The following S100A2 variants were observed in gnomAD, a reference collection of about 807,000 sequenced individuals.
The protein encoded by S100A2 is protein S100-A2.
Under a neutral mutation model 4.3 loss-of-function variants are expected in S100A2, and 5 were observed. The observed-to-expected ratio is 1.16, with a 90% CI of 0.61 to 2.44. The LOEUF is 2.44. S100A2 is among the 30% of genes most tolerant of loss of function. The probability of loss-of-function intolerance (pLI) is 0.01; values close to 1 mark genes in which losing one functional copy is unlikely to be tolerated. For synonymous variants in S100A2, 44 were observed against 46.0 expected (o/e 0.96, Z 0.17); for missense variants, 103 against 114.7 (o/e 0.90, Z 0.47).
chr1:153,564,116 A>C, intron 1 of S100A2: 1 of 465,578 alleles, frequency 2.1e-6, no homozygotes, highest in Non-Finnish European at 3.8e-6. Flanking sequence ...TCTGGGAGTC[A>C]CCAAGCCTCC....
intron 1 of S100A2, 30 bp from the exon 2 acceptor site, chr1:153,563,917 G>A (rs1338292641): frequency 6.2e-7 from 1 of 1,602,294 alleles, no homozygotes; most frequent in South Asian, 1.1e-5. Context: ...TGGGTACACT[G>A]CTGAGGCTCT....
intron 2 of S100A2, among the ~76,000 whole-genome samples, chr1:153,562,969 CAAAAA>C (rs35473116): frequency 1.1e-5 from 1 of 94,560 alleles, no homozygotes; most frequent in Admixed American, 1.2e-4. Context: ...CCCCCCACCA[CAAAAA>C]AAAAAAAAAA....
chr1:153,563,723 G>C lies in S100A2; in HGVS notation c.144+11C>G. ...ACACCAGGACCTCCCCCACAGGCCT[G>C]TGCCACTCACCCCCACAAAGCTGGG... On this transcript the variant is annotated intron_variant, in intron 2 of 2. Coordinates refer to ENST00000368708, the MANE Select transcript of S100A2 (RefSeq NM_005978.4). The C allele has an allele frequency of 1.2e-6, 2 of 1,610,954 alleles. No homozygotes were observed. The highest frequency in any genetic ancestry group is 1.7e-6 in the Non-Finnish European group (2 of 1,178,214).
At chr1:153,564,440 C>T (rs1190545609) in intron 1 of S100A2, among the ~76,000 whole-genome samples, 4 of 152,328 alleles carry the variant, frequency 2.6e-5, no homozygotes, top group Non-Finnish European at 5.9e-5. Context: ...CTCTCTCAGA[C>T]TAGGAGCTCC....
At chr1:153,565,225 T>C (rs1340548556) in intron 1 of S100A2, among the ~76,000 whole-genome samples, 1 of 141,180 alleles carries the variant, frequency 7.1e-6, no homozygotes, top group South Asian at 2.2e-4. Context: ...GGCAGGAGAA[T>C]GGCGTGAACC....
chr1:153,562,744 A>G (rs1222893183), intron 2 of S100A2, among the ~76,000 whole-genome samples: 1 of 152,056 alleles, frequency 6.6e-6, no homozygotes, highest in East Asian at 1.9e-4. Flanking sequence ...TAATTCCAAT[A>G]CTTTGGGAGG....
At chr1:153,562,176 G>A (rs1279323508) in intron 2 of S100A2, among the ~76,000 whole-genome samples, 1 of 152,108 alleles carries the variant, frequency 6.6e-6, no homozygotes, top group Non-Finnish European at 1.5e-5. Context: ...GCCTAGGCTG[G>A]TCTTGGCAAC....
In S100A2 at chr1:153,565,588, T is replaced by G. The variant is rs1665989628; in HGVS notation, c.-93A>C. 1 of 152,582 alleles carries G rather than the reference T, an allele frequency of 6.6e-6. No individual in the cohort carries two copies. The highest frequency in any genetic ancestry group is 6.5e-5 in the Admixed American group (1 of 15,282). The allele number at this position is 152,582 out of a possible 1,614,324, so 9.5% of individuals were successfully genotyped here. A position where few individuals can be genotyped will look rare whatever the true frequency, so the allele number is the denominator to read the frequency against. On this transcript the variant is annotated 5_prime_UTR_variant, in exon 1 of 3. Coordinates refer to ENST00000368708, the MANE Select transcript of S100A2 (RefSeq NM_005978.4). The stretch of plus-strand genomic sequence containing the variant: ...GTGAGGATTTATATGTGGGCCCCAC[T>G]GGCCCCCAACTTGGCATTTTAAGGA...
chr1:153,561,615 C>A (rs896784137), intron 2 of S100A2, 24 bp from the exon 3 acceptor site: 1 of 1,613,794 alleles, frequency 6.2e-7, no homozygotes, highest in Non-Finnish European at 8.5e-7. Flanking sequence ...GAAATACACT[C>A]ATCACCAAGC....
chr1:153,561,250 G>T lies in S100A2; in HGVS notation c.*189C>A. On this transcript the variant is annotated 3_prime_UTR_variant, in exon 3 of 3. Transcript: ENST00000368708. ...TGGAGAGATTTCCAGGAGAGTCAGA[G>T]CCCAGAAGGGAGCAGGATCCAGGAG... 1.6e-6 allele frequency: 1 copy of T among 612,726 alleles called. No individual in the cohort carries two copies. The highest frequency in any genetic ancestry group is 3.0e-5 in the East Asian group (1 of 33,004). The allele number at this position is 612,726 out of a possible 1,614,324, so 38.0% of individuals were successfully genotyped here. A position where few individuals can be genotyped will look rare whatever the true frequency, so the allele number is the denominator to read the frequency against.
Position 153,561,305 on chromosome 1 carries a change from C to G in S100A2, c.*134G>C. The G allele has an allele frequency of 1.7e-6, 2 of 1,143,270 alleles. No homozygotes were observed. The highest frequency in any genetic ancestry group is 2.5e-6 in the Non-Finnish European group (2 of 803,882). The allele number at this position is 1,143,270 out of a possible 1,614,324, so 70.8% of individuals were successfully genotyped here. On this transcript the variant is annotated 3_prime_UTR_variant, in exon 3 of 3. Transcript: ENST00000368708. ...TCATCTCCCAGCACTCCAGCTGAGC[C>G]AGCCGGGTTATGGAACATCACTGAG... is the stretch of plus-strand genomic sequence containing the variant.
rs1251778239 is a variant in S100A2 at position 153,561,676 on chromosome 1, TG to T, written c.145-86del. On this transcript the variant is annotated intron_variant, in intron 2 of 2. Transcript: ENST00000368708. The stretch of plus-strand genomic sequence containing the variant: ...CACCCAGACCCTCACACATTCAGGT[TG>T]GTTCCCAGCTCTCCCTCCCCACTGG... 5 of 1,601,848 alleles carry T rather than the reference TG, an allele frequency of 3.1e-6. No individual in the cohort carries two copies. The African/African-American group carries it at 6.7e-5, about 21-fold the overall frequency.
At chr1:153,564,087 C>T (rs965608327) in intron 1 of S100A2, 200 bp from the exon 2 acceptor site, 23 of 530,000 alleles carry the variant, frequency 4.3e-5, no homozygotes, top group Admixed American at 3.9e-4. Context: ...TGAGGGCAGA[C>T]GCTAAAGCTT....
At position 153,561,514 on chromosome 1, in the gene S100A2, C is replaced by G; in HGVS notation, c.222G>C (p.Gln74His). The G allele has an allele frequency of 1.2e-6, 2 of 1,614,192 alleles. No individual in the cohort carries two copies. The highest frequency in any genetic ancestry group is 1.7e-6 in the Non-Finnish European group (2 of 1,180,030). ...DENSDQQVDF[Q>H]EYAVFLALIT... Reference sequence around the variant, plus strand: ...TGAGTGCCAGGAAAACAGCATACTCCTGGAAGTCCACCTGCTGGTCACTGT... The same window carrying G: ...TGAGTGCCAGGAAAACAGCATACTCGTGGAAGTCCACCTGCTGGTCACTGT... Residue 74 changes from glutamine (Q) to histidine (H), a missense_variant, in exon 3 of 3, where the codon CAG becomes CAC. Coordinates refer to ENST00000368708, the MANE Select transcript of S100A2 (RefSeq NM_005978.4).
At position 153,563,856 on chromosome 1, in the gene S100A2, G is replaced by C. The variant is rs148993921; in HGVS notation, c.22C>G (p.Gln8Glu). 1.2e-6 allele frequency: 2 copies of C among 1,614,052 alleles called. No individual in the cohort carries two copies. The highest frequency in any genetic ancestry group is 2.7e-5 in the African/African-American group (2 of 74,948). MMCSSLE[Q>E]ALAVLVTTFH... is the part of the protein sequence containing the mutation. ...GTAGTGACCAGCACAGCCAGCGCCTGCTCCAGAGAACTGCACATCATGGAT... is the reference window on the plus strand; with the variant it reads ...GTAGTGACCAGCACAGCCAGCGCCTCCTCCAGAGAACTGCACATCATGGAT... Residue 8 changes from glutamine to glutamate, a missense_variant, in exon 2 of 3, where the codon CAG becomes GAG. Transcript: ENST00000368708.
intron 1 of S100A2, among the ~76,000 whole-genome samples, chr1:153,564,826 C>T (rs1665971845): frequency 9.4e-6 from 1 of 105,850 alleles, no homozygotes; most frequent in Admixed American, 1.5e-4. Flanking sequence ...CCTCTTGCAC[C>T]TTAGTCCTGC....
At chr1:153,565,298 C>T (rs534652701) in intron 1 of S100A2, among the ~76,000 whole-genome samples, 13 of 127,454 alleles carry the variant, frequency 1.0e-4, no homozygotes, top group East Asian at 6.6e-4. Flanking sequence ...GGCGACAGAG[C>T]GAGACTCCAT....
chr1:153,563,380 A>G lies in S100A2; in HGVS notation c.144+354T>C, dbSNP rs543481576. Reference sequence around the variant, plus strand: ...AGAGGGAAACTCCATCTCAAAAAAAAAAAAAAGAAAAGAAAAGAGAGAGAG... The same window carrying G: ...AGAGGGAAACTCCATCTCAAAAAAAGAAAAAAGAAAAGAAAAGAGAGAGAG... On this transcript the variant is annotated intron_variant, in intron 2 of 2. Coordinates refer to ENST00000368708, the MANE Select transcript of S100A2 (RefSeq NM_005978.4). 7.6e-5 allele frequency: 116 copies of G among 1,526,778 alleles called. 2 individuals are homozygous for G. In the South Asian group the frequency reaches 9.9e-4, roughly 13 times the overall value. 94.6% of individuals were successfully genotyped at this position (1,526,778 alleles called of 1,614,324 possible).
At chr1:153,563,666 G>A in intron 2 of S100A2, 68 bp downstream of exon 2, 1 of 1,589,724 alleles carries the variant, frequency 6.3e-7, no homozygotes, top group Non-Finnish European at 8.6e-7. Flanking sequence ...ACCCGGAACT[G>A]GGGGAGAGAT....
Sources: gnomAD v4.1 joint callset for allele counts (sites outside exome capture counted in the v4.1 genomes callset) on GRCh38, gnomAD v4.1.1 for gene constraint, MANE v1.5 for transcripts, NCBI Gene and HGNC (gene_info 2026-07-23, HGNC 2026-07-21) for gene names.